The following ALMS1 variants were observed in gnomAD, a reference collection of about 807,000 sequenced individuals.
ALMS1 encodes ALMS1 centrosome and basal body associated protein, also known as centrosome-associated protein ALMS1.
Under a neutral mutation model 352.2 loss-of-function variants are expected in ALMS1, and 271 were observed. That is an observed-to-expected ratio of 0.77 (90% confidence interval 0.70 to 0.85). The LOEUF (loss-of-function observed/expected upper bound fraction) is 0.85. Ranked by LOEUF, ALMS1 falls within the 40% of genes least tolerant of loss-of-function variation. The probability of loss-of-function intolerance (pLI) is 0.00; values close to 1 mark genes in which losing one functional copy is unlikely to be tolerated. For synonymous variants in ALMS1, 1,865 were observed against 1,761.2 expected (o/e 1.06, Z -1.48); for missense variants, 5,445 against 4,870.7 (o/e 1.12, Z -3.51).
At chr2:73,458,150 A>C (rs528645433) in intron 9 of ALMS1, 4 of 151,168 alleles carry the variant, frequency 2.6e-5, no homozygotes, top group African/African-American at 7.3e-5. Context: ...CTTATGATTG[A>C]CTTTTTTCAG....
At chr2:73,527,098 C>G (rs1673806934) in intron 11 of ALMS1, among the ~76,000 whole-genome samples, 1 of 152,132 alleles carries the variant, frequency 6.6e-6, no homozygotes, top group Non-Finnish European at 1.5e-5. Context: ...TTAAACCATC[C>G]TTGCATCCCT....
chr2:73,589,065 C>A (rs1675368436), intron 16 of ALMS1, among the ~76,000 whole-genome samples: 1 of 151,916 alleles, frequency 6.6e-6, no homozygotes, highest in African/African-American at 2.4e-5. Flanking sequence ...ATATGTCATA[C>A]ATAGAACAAA....
intron 10 of ALMS1, among the ~76,000 whole-genome samples, chr2:73,502,336 C>A (rs756109681): frequency 2.0e-5 from 3 of 152,126 alleles, no homozygotes; most frequent in Non-Finnish European, 2.9e-5. Context: ...ATTCTTCATA[C>A]ATAATCATTT....
chr2:73,501,291 T>TG (rs1482576296), intron 10 of ALMS1, among the ~76,000 whole-genome samples: 1 of 152,100 alleles, frequency 6.6e-6, no homozygotes, highest in Non-Finnish European at 1.5e-5. Context: ...ATGGTGTCTC[T>TG]GGGGAACAGA....
At chr2:73,522,586 A>G (rs1673704848) in intron 11 of ALMS1, among the ~76,000 whole-genome samples, 1 of 149,558 alleles carries the variant, frequency 6.7e-6, no homozygotes, top group East Asian at 2.0e-4. Context: ...CTCCTGCCTC[A>G]GCCTCCCAAG....
At chr2:73,435,540 C>CT (rs34522616) in intron 7 of ALMS1, among the ~76,000 whole-genome samples, 77,511 of 149,714 alleles carry the variant, frequency 0.52, 22,407 homozygotes, top group East Asian at 0.77. Context: ...TCTATTCCCT[C>CT]TTTTTTTTTG....
intron 15 of ALMS1, among the ~76,000 whole-genome samples, chr2:73,566,248 T>G (rs1159416839): frequency 6.6e-6 from 1 of 152,224 alleles, no homozygotes. Flanking sequence ...AAGAAAACAC[T>G]TTACAGCTTC....
intron 10 of ALMS1, among the ~76,000 whole-genome samples, chr2:73,504,175 A>G (rs1673273067): frequency 1.3e-5 from 2 of 152,194 alleles, no homozygotes; most frequent in African/African-American, 4.8e-5. Flanking sequence ...CATAACTATA[A>G]TGCATTATCA....
At chr2:73,430,842 A>G (rs1426278507) in intron 6 of ALMS1, among the ~76,000 whole-genome samples, 1 of 152,164 alleles carries the variant, frequency 6.6e-6, no homozygotes, top group Non-Finnish European at 1.5e-5. Context: ...CACATTTCTC[A>G]GAACATACCC....
At chr2:73,574,026 A>C (rs549317851) in intron 16 of ALMS1, among the ~76,000 whole-genome samples, 53 of 152,328 alleles carry the variant, frequency 3.5e-4, no homozygotes, top group Non-Finnish European at 4.9e-4. Context: ...AAAGAGCTAC[A>C]AATTTGGCTT....
intron 7 of ALMS1, among the ~76,000 whole-genome samples, chr2:73,437,084 A>C (rs1671618157): frequency 6.6e-6 from 1 of 150,708 alleles, no homozygotes; most frequent in African/African-American, 2.4e-5. Context: ...TTAGTTCTTA[A>C]TTGCTCACCA....
intron 12 of ALMS1, among the ~76,000 whole-genome samples, chr2:73,537,650 GCAA>G (rs1374564664): frequency 3.9e-5 from 6 of 152,250 alleles, no homozygotes; most frequent in African/African-American, 1.2e-4. Context: ...ACAACATAAA[GCAA>G]CAACACCAAA....
intron 7 of ALMS1, among the ~76,000 whole-genome samples, chr2:73,440,505 C>T (rs1373077235): frequency 2.0e-5 from 3 of 152,044 alleles, no homozygotes; most frequent in Non-Finnish European, 4.4e-5. Flanking sequence ...CTCACTGAAA[C>T]CTCTGCTTCC....
intron 21 of ALMS1, among the ~76,000 whole-genome samples, chr2:73,606,695 T>C (rs901833614): frequency 4.6e-5 from 7 of 152,200 alleles, no homozygotes; most frequent in African/African-American, 1.4e-4. Flanking sequence ...CTAGTAACTC[T>C]TAATATTTAG....
intron 13 of ALMS1, among the ~76,000 whole-genome samples, chr2:73,556,633 C>CTTTTTTTTTT (rs764932403): frequency 9.9e-6 from 1 of 101,486 alleles, no homozygotes; most frequent in Non-Finnish European, 1.9e-5. Flanking sequence ...CTGATCTTTC[C>CTTTTTTTTTT]TTTTTTTTTT....
intron 16 of ALMS1, among the ~76,000 whole-genome samples, chr2:73,594,235 T>G (rs1453373248): frequency 7.2e-6 from 1 of 138,018 alleles, no homozygotes; most frequent in Non-Finnish European, 1.5e-5. Flanking sequence ...TGAACAGTTG[T>G]TTTTGTCTCT....
chr2:73,489,833 A>G lies in ALMS1; in HGVS notation c.7874A>G (p.Lys2625Arg), dbSNP rs1209851644. The G allele has an allele frequency of 3.1e-6, 5 of 1,614,102 alleles. No individual in the cohort carries two copies. Among genetic ancestry groups the G allele is most frequent in the Non-Finnish European group, 3.4e-6 (4 of 1,180,042 alleles). Reference sequence around the variant, plus strand: ...CAGAACCCATCATCATGCAGAGCCAAGCATGTCAACCTTTCTGCATCCTTA... The same window carrying G: ...CAGAACCCATCATCATGCAGAGCCAGGCATGTCAACCTTTCTGCATCCTTA... ...GRQNPSSCRAKHVNLSASLDQ... is the reference protein window; with the variant it reads ...GRQNPSSCRARHVNLSASLDQ... Residue 2625 changes from lysine (K) to arginine (R), a missense_variant, in exon 10 of 23, where the codon AAG becomes AGG. Transcript: ENST00000613296.
chr2:73,476,920 G>A (rs1393421762), intron 9 of ALMS1, among the ~76,000 whole-genome samples: 1 of 152,102 alleles, frequency 6.6e-6, no homozygotes, highest in African/African-American at 2.4e-5. Context: ...ACTGATATAA[G>A]TTAATTGATA....
chr2:73,461,818 C>G (rs187839184), intron 9 of ALMS1, among the ~76,000 whole-genome samples: 2 of 152,208 alleles, frequency 1.3e-5, no homozygotes, highest in East Asian at 3.9e-4. Context: ...GCAGAAGCCT[C>G]AGGAGCTGAT....
Sources: gnomAD v4.1 joint callset for allele counts (sites outside exome capture counted in the v4.1 genomes callset) on GRCh38, gnomAD v4.1.1 for gene constraint, MANE v1.5 for transcripts, NCBI Gene and HGNC (gene_info 2026-07-23, HGNC 2026-07-21) for gene names.